The following GUCY1A2 variants were observed in gnomAD, a reference collection of about 807,000 sequenced individuals.
GUCY1A2 encodes the protein guanylate cyclase 1 soluble subunit alpha 2.
Under a neutral mutation model 63.5 loss-of-function variants are expected in GUCY1A2, and 27 were observed. The ratio of observed to expected loss-of-function variants is 0.43; its 90% CI spans 0.31 to 0.59. The LOEUF (loss-of-function observed/expected upper bound fraction) is 0.59. Ranked by LOEUF, GUCY1A2 falls within the 20% of genes least tolerant of loss-of-function variation. The probability of loss-of-function intolerance (pLI) is 0.11; values close to 1 mark genes in which losing one functional copy is unlikely to be tolerated. For synonymous variants in GUCY1A2, 364 were observed against 343.5 expected (o/e 1.06, Z -0.66); for missense variants, 768 against 913.3 (o/e 0.84, Z 2.05).
rs1181919135 is a variant in GUCY1A2, at chr11:106,939,703, G to A, written c.963C>T (p.Asn321=). The A allele has an allele frequency of 1.2e-6, 2 of 1,613,696 alleles. No individual in the cohort carries two copies. The highest frequency in any genetic ancestry group is 2.2e-5 in the East Asian group (1 of 44,870). The change falls in exon 4 of 8, where the codon AAC becomes AAT. Residue 321 remains asparagine (N), a synonymous_variant. Coordinates refer to ENST00000526355, the MANE Select transcript of GUCY1A2 (RefSeq NM_000855.3). ...GGAAAGGGAAGGCTCTACAGAAGGT[G>A]TTGATGCTAATTCTGAGGTCCGCAG... ...QVPADLRISI[N]TFCRAFPFHL...
At chr11:106,878,163 C>CGG (rs1591311398) in intron 4 of GUCY1A2, among the ~76,000 whole-genome samples, 1 of 152,014 alleles carries the variant, frequency 6.6e-6, no homozygotes, top group East Asian at 1.9e-4. Flanking sequence ...AATAAAAGCA[C>CGG]TTATACACTG....
chr11:106,922,722 C>A (rs1860465661), intron 4 of GUCY1A2, among the ~76,000 whole-genome samples: 1 of 125,748 alleles, frequency 8.0e-6, no homozygotes, highest in African/African-American at 3.1e-5. Flanking sequence ...TATATGTACT[C>A]ACAATTTAAT....
chr11:106,835,011 G>T (rs1344714249), intron 4 of GUCY1A2, among the ~76,000 whole-genome samples: 1 of 151,742 alleles, frequency 6.6e-6, no homozygotes. Flanking sequence ...ATAAAATAAA[G>T]TCAAATATAA....
intron 4 of GUCY1A2, among the ~76,000 whole-genome samples, chr11:106,913,148 C>T (rs1413696228): frequency 6.6e-6 from 1 of 151,590 alleles, no homozygotes; most frequent in Non-Finnish European, 1.5e-5. Flanking sequence ...TATATAAAAG[C>T]AATCAAATAT....
At chr11:106,790,895 C>A (rs921460068) in intron 5 of GUCY1A2, among the ~76,000 whole-genome samples, 1 of 152,192 alleles carries the variant, frequency 6.6e-6, no homozygotes, top group Non-Finnish European at 1.5e-5. Flanking sequence ...CTCTCTTCTC[C>A]TTAAGCGAAA....
At chr11:106,904,563 T>C (rs1435306670) in intron 4 of GUCY1A2, among the ~76,000 whole-genome samples, 2 of 152,116 alleles carry the variant, frequency 1.3e-5, no homozygotes, top group East Asian at 1.9e-4. Flanking sequence ...TTAATTTTGA[T>C]ACGATGGGCT....
In GUCY1A2 at chr11:106,687,740, C is replaced by T; in HGVS notation, c.2008G>A (p.Glu670Lys). The stretch of plus-strand genomic sequence containing the variant: ...GACCGCGGAATGAATGTGAAACTTT[C>T]TTCTCGTTTTAATAATCTAAGAAGA... ...PTTYQLLKREESFTFIPRSRE... is the reference protein window; with the variant it reads ...PTTYQLLKREKSFTFIPRSRE... Residue 670 changes from glutamate (E) to lysine (K), a missense_variant, in exon 8 of 8, where the codon GAA becomes AAA. By Grantham distance (56) the Glu-to-Lys change is moderately conservative. Coordinates refer to ENST00000526355, the MANE Select transcript of GUCY1A2 (RefSeq NM_000855.3). The T allele has an allele frequency of 2.5e-6, 4 of 1,609,868 alleles. No homozygotes were observed. Among genetic ancestry groups the T allele is most frequent in the Non-Finnish European group, 3.4e-6 (4 of 1,176,122 alleles).
rs947848548 is a variant in GUCY1A2 at position 106,902,548 on chromosome 11, C to T, written c.1206+36912G>A. Among the ~76,000 whole-genome samples, 5 of 152,254 alleles carry T rather than the reference C, an allele frequency of 3.3e-5. No homozygotes were observed. In the South Asian group the frequency reaches 1.0e-3, roughly 32 times the overall value. ...AATGAAAATATTTTGTTGAGTGTAG[C>T]TGTCTTCATTAATTATCTTAGCTAG... On this transcript the variant is annotated intron_variant, in intron 4 of 7. Coordinates refer to ENST00000526355, the MANE Select transcript of GUCY1A2 (RefSeq NM_000855.3).
At chr11:106,846,952 C>G (rs190737002) in intron 4 of GUCY1A2, among the ~76,000 whole-genome samples, 2 of 150,818 alleles carry the variant, frequency 1.3e-5, no homozygotes, top group Non-Finnish European at 3.0e-5. Context: ...CTCAAGGGAC[C>G]AAAAAGAGGC....
intron 4 of GUCY1A2, among the ~76,000 whole-genome samples, chr11:106,836,017 G>A (rs1032840702): frequency 6.6e-6 from 1 of 152,024 alleles, no homozygotes; most frequent in South Asian, 2.1e-4. Context: ...TCTTTTACAA[G>A]CATCCCAAAT....
At chr11:106,976,115 T>A (rs1158760363) in intron 3 of GUCY1A2, among the ~76,000 whole-genome samples, 1 of 152,128 alleles carries the variant, frequency 6.6e-6, no homozygotes, top group East Asian at 1.9e-4. Flanking sequence ...ATTTCCAGAC[T>A]CTAATACAAC....
intron 1 of GUCY1A2, among the ~76,000 whole-genome samples, chr11:107,009,115 A>G (rs980473128): frequency 1.3e-5 from 2 of 152,212 alleles, no homozygotes; most frequent in African/African-American, 4.8e-5. Context: ...ATTTACTTGG[A>G]GAACTAAATG....
At chr11:106,963,598 A>G (rs771536884) in intron 3 of GUCY1A2, among the ~76,000 whole-genome samples, 41 of 152,304 alleles carry the variant, frequency 2.7e-4, no homozygotes, top group Non-Finnish European at 5.0e-4. Flanking sequence ...CTTAATCTCC[A>G]TATCACCAAA....
At chr11:106,799,564 C>G (rs1296530917) in intron 5 of GUCY1A2, among the ~76,000 whole-genome samples, 4 of 152,080 alleles carry the variant, frequency 2.6e-5, no homozygotes, top group Non-Finnish European at 5.9e-5. Flanking sequence ...TGGTACAGAA[C>G]AGAGTTCTCA....
intron 6 of GUCY1A2, among the ~76,000 whole-genome samples, chr11:106,758,378 A>G (rs1864009239): frequency 6.6e-6 from 1 of 152,150 alleles, no homozygotes; most frequent in Non-Finnish European, 1.5e-5. Context: ...GTAGGAGTGT[A>G]TCATTCCTCC....
chr11:106,736,347 A>G (rs530619054), intron 6 of GUCY1A2, among the ~76,000 whole-genome samples: 5 of 152,220 alleles, frequency 3.3e-5, no homozygotes, highest in East Asian at 3.9e-4. Flanking sequence ...TTTTCTACAT[A>G]TGGATATCCA....
At chr11:106,936,540 G>T in intron 4 of GUCY1A2, 1 of 555,664 alleles carries the variant, frequency 1.8e-6, no homozygotes, top group Non-Finnish European at 3.2e-6. Context: ...AAGAAAATAG[G>T]GAGAGAGAAG....
At chr11:106,990,536 G>A (rs774870642) in intron 1 of GUCY1A2, among the ~76,000 whole-genome samples, 3 of 152,254 alleles carry the variant, frequency 2.0e-5, no homozygotes, top group African/African-American at 2.4e-5. Context: ...GCACCAGATG[G>A]TGCGGGGATC....
chr11:106,703,467 G>C (rs373523687), intron 7 of GUCY1A2, among the ~76,000 whole-genome samples: 1 of 152,140 alleles, frequency 6.6e-6, no homozygotes, highest in Non-Finnish European at 1.5e-5. Context: ...GGAAGAGTCA[G>C]TAAAAGATAT....
Sources: allele counts gnomAD v4.1 joint callset (sites outside exome capture counted in the v4.1 genomes callset), GRCh38; gene constraint gnomAD v4.1.1; transcripts MANE v1.5; gene names NCBI Gene and HGNC (gene_info 2026-07-23, HGNC 2026-07-21).